Variants in PTCHD4 observed in about 807,000 individuals in gnomAD.
PTCHD4 encodes the protein patched domain-containing protein 4.
In PTCHD4, 33 loss-of-function variants were observed where a neutral mutation model predicts 58.1. The ratio of observed to expected loss-of-function variants is 0.57; its 90% confidence interval spans 0.43 to 0.76. The LOEUF (loss-of-function observed/expected upper bound fraction) is 0.76. Among genes scored for constraint, PTCHD4 ranks in the 30% least tolerant of loss-of-function variants. The pLI, the probability that PTCHD4 is intolerant of heterozygous loss-of-function variation, is 0.00. For synonymous variants in PTCHD4, 478 were observed against 409.6 expected, an observed-to-expected ratio of 1.17 and a Z score of -2.02; for missense variants, 1,058 against 1,027.1, an observed-to-expected ratio of 1.03 and a Z score of -0.41.
In PTCHD4 at chr6:48,009,055, G is replaced by T. The variant is rs369002534; in HGVS notation, c.477C>A (p.Ser159Arg). 2 of 1,613,844 alleles carry T rather than the reference G, an allele frequency of 1.2e-6. No individual in the cohort carries two copies. The highest frequency in any genetic ancestry group is 4.5e-5 in the East Asian group (2 of 44,872). ...QLGGVVEVPNSKDQRVKSARA... is the reference protein window; with the variant it reads ...QLGGVVEVPNRKDQRVKSARA... ...TGGCTGACTTGACCCGCTGATCTTT[G>T]CTGTTTGGCACTTCCACTACCCCGC... The change falls in exon 4 of 5, where the codon AGC (serine) becomes AGA (arginine). Residue 159 changes from serine (S) to arginine (R), a missense_variant. Transcript: ENST00000339488.
At chr6:47,916,580 G>C (rs190728913) in intron 4 of PTCHD4, among the ~76,000 whole-genome samples, 29 of 152,118 alleles carry the variant, frequency 1.9e-4, no homozygotes, top group Admixed American at 1.2e-3. Flanking sequence ...GGCAGAAGTA[G>C]GCAGCCTTGA....
At chr6:47,922,446 G>A (rs779484785) in intron 4 of PTCHD4, among the ~76,000 whole-genome samples, 62 of 152,006 alleles carry the variant, frequency 4.1e-4, no homozygotes, top group Non-Finnish European at 7.4e-4. Context: ...CCCCCCTGCC[G>A]GCCCAACTGG....
At chr6:47,982,953 C>T (rs546933743) in intron 4 of PTCHD4, among the ~76,000 whole-genome samples, 6 of 152,086 alleles carry the variant, frequency 3.9e-5, no homozygotes, top group East Asian at 1.9e-4. Flanking sequence ...AGATAAATAA[C>T]GTTGAAATTT....
chr6:48,018,350 T>C (rs1423583734), intron 3 of PTCHD4, among the ~76,000 whole-genome samples: 1 of 152,192 alleles, frequency 6.6e-6, no homozygotes, highest in Non-Finnish European at 1.5e-5. Context: ...GATTCATTGG[T>C]GGTAAAGTCA....
chr6:47,912,477 C>A lies in PTCHD4; in HGVS notation c.899-32541G>T, dbSNP rs975349770. On this transcript the variant is annotated intron_variant, in intron 4 of 4. Coordinates refer to ENST00000339488, the MANE Select transcript of PTCHD4 (RefSeq NM_001384253.1). The stretch of plus-strand genomic sequence containing the variant: ...TCCTTGACCATTGCGTCCCCCAACA[C>A]TAAATGCCAAAATAGTTACACTTAC... Among the ~76,000 whole-genome samples, 5 of 152,270 alleles carry A rather than the reference C, an allele frequency of 3.3e-5. No individual in the cohort carries two copies. In the South Asian group the frequency reaches 6.2e-4, roughly 19 times the overall value.
At chr6:47,901,813 T>A (rs1764715326) in intron 4 of PTCHD4, 2 of 1,283,360 alleles carry the variant, frequency 1.6e-6, no homozygotes, top group Admixed American at 2.4e-5. Flanking sequence ...CCTAGGAGTC[T>A]TCACATATAA....
intron 3 of PTCHD4, among the ~76,000 whole-genome samples, chr6:48,037,072 G>A (rs2114144043): frequency 6.6e-6 from 1 of 152,218 alleles, no homozygotes; most frequent in East Asian, 1.9e-4. Flanking sequence ...ATCAGTAGTA[G>A]CCTAAGTCTC....
rs766998284 is a variant in PTCHD4 at position 47,861,456 on chromosome 6, G to T, written c.*16847C>A. On this transcript the variant is annotated 3_prime_UTR_variant, in exon 5 of 5. Transcript: ENST00000339488. ...TAAGTGTATTAATTTCAAACAAAAAGATGTATACCCTCAAGGCTGTATCTG... is the reference window on the plus strand; with the variant it reads ...TAAGTGTATTAATTTCAAACAAAAATATGTATACCCTCAAGGCTGTATCTG... 1.3e-5 allele frequency among the ~76,000 whole-genome samples: 2 copies of T among 151,854 alleles called. No homozygotes were observed. The highest frequency in any genetic ancestry group is 2.1e-4 in the South Asian group (1 of 4,834).
chr6:48,041,357 C>A (rs555081529), intron 3 of PTCHD4, among the ~76,000 whole-genome samples: 1 of 152,148 alleles, frequency 6.6e-6, no homozygotes, highest in South Asian at 2.1e-4. Flanking sequence ...ACTCAGAAAT[C>A]CAACTCTAAC....
At chr6:47,887,087 T>G (rs1000335999) in intron 4 of PTCHD4, among the ~76,000 whole-genome samples, 1 of 152,142 alleles carries the variant, frequency 6.6e-6, no homozygotes, top group Non-Finnish European at 1.5e-5. Context: ...TTTTTAAAAC[T>G]GAATTGGCCA....
intron 4 of PTCHD4, chr6:47,890,929 C>A: frequency 1.0e-6 from 1 of 982,236 alleles, no homozygotes; most frequent in Non-Finnish European, 1.2e-6. Flanking sequence ...GAATATGGGC[C>A]GTTCACTGTG....
At chr6:48,024,761 T>C (rs577522459) in intron 3 of PTCHD4, among the ~76,000 whole-genome samples, 2 of 152,224 alleles carry the variant, frequency 1.3e-5, no homozygotes, top group East Asian at 1.9e-4. Context: ...GCAGGCAAGA[T>C]TGCAAGATGG....
intron 4 of PTCHD4, among the ~76,000 whole-genome samples, chr6:47,946,819 T>A (rs1766436645): frequency 6.6e-6 from 1 of 152,146 alleles, no homozygotes; most frequent in African/African-American, 2.4e-5. Context: ...TGAAATTATG[T>A]GCACAATTTC....
At chr6:48,018,332 T>C (rs1000044960) in intron 3 of PTCHD4, among the ~76,000 whole-genome samples, 2 of 152,182 alleles carry the variant, frequency 1.3e-5, no homozygotes, top group Non-Finnish European at 2.9e-5. Context: ...ACCTTCCCTA[T>C]AGTTAATGAT....
chr6:47,942,224 C>A (rs1418910630), intron 4 of PTCHD4, among the ~76,000 whole-genome samples: 1 of 152,166 alleles, frequency 6.6e-6, no homozygotes, highest in African/African-American at 2.4e-5. Context: ...CCAAAGGGAT[C>A]CCAACTGGGG....
At chr6:47,977,142 C>T (rs1205444177) in intron 4 of PTCHD4, among the ~76,000 whole-genome samples, 1 of 152,140 alleles carries the variant, frequency 6.6e-6, no homozygotes, top group Non-Finnish European at 1.5e-5. Context: ...CAGAGTTATA[C>T]AGAAGTTAAG....
chr6:47,966,585 C>T (rs527744874), intron 4 of PTCHD4, among the ~76,000 whole-genome samples: 35 of 152,186 alleles, frequency 2.3e-4, no homozygotes, highest in Non-Finnish European at 4.3e-4. Flanking sequence ...ATTTTCCCCA[C>T]AGTAGAAGTT....
chr6:48,104,725 C>T (rs550663610), intron 1 of PTCHD4, among the ~76,000 whole-genome samples: 70 of 152,166 alleles, frequency 4.6e-4, no homozygotes, highest in Middle Eastern at 3.4e-3. Context: ...TGCAGAGACA[C>T]ACATAGGCTA....
At chr6:47,928,781 A>T (rs901439023) in intron 4 of PTCHD4, among the ~76,000 whole-genome samples, 1 of 150,966 alleles carries the variant, frequency 6.6e-6, no homozygotes, top group African/African-American at 2.5e-5. Flanking sequence ...TGTCTTGATC[A>T]TCTTTGTCCT....
Sources: allele counts gnomAD v4.1 joint callset (sites outside exome capture counted in the v4.1 genomes callset), GRCh38; gene constraint gnomAD v4.1.1; transcripts MANE v1.5; gene names NCBI Gene and HGNC (gene_info 2026-07-23, HGNC 2026-07-21).